The following CRACDL variants were observed in gnomAD, a reference collection of about 807,000 sequenced individuals.
The protein encoded by CRACDL is CRACD-like protein.
A neutral mutation model predicts 70.6 loss-of-function variants in CRACDL; 26 were observed. The observed-to-expected ratio is 0.37, with a 90% CI of 0.27 to 0.51. The LOEUF (loss-of-function observed/expected upper bound fraction) is 0.51, where lower values mean the gene tolerates loss of function less well. Among genes scored for constraint, CRACDL ranks in the 20% least tolerant of loss-of-function variants. The probability of loss-of-function intolerance (pLI) is 0.94; values close to 1 mark genes in which losing one functional copy is unlikely to be tolerated. For missense variants in CRACDL, 1,283 were observed against 1,376.9 expected (o/e 0.93, Z 1.08); for synonymous variants, 618 against 615.2 (o/e 1.00, Z -0.07).
intron 5 of CRACDL, among the ~76,000 whole-genome samples, chr2:98,827,861 G>A (rs2104486421): frequency 6.6e-6 from 1 of 152,314 alleles, no homozygotes; most frequent in South Asian, 2.1e-4. Context: ...CTGAGGGGAA[G>A]GTTCAGAGGT....
At chr2:98,805,633 G>T (rs1171454686) in intron 7 of CRACDL, among the ~76,000 whole-genome samples, 1 of 152,140 alleles carries the variant, frequency 6.6e-6, no homozygotes, top group Non-Finnish European at 1.5e-5. Flanking sequence ...AACTCAGCGA[G>T]TGCAGAGGAT....
In CRACDL at chr2:98,936,066, G is replaced by C. The variant is rs1709200378; in HGVS notation, c.-139C>G. ...CCCAGCCCAAAGCCGGGGCGACGCA[G>C]CAGGTGGCCGCGCGGCCTCCAGACA... is the stretch of plus-strand genomic sequence containing the variant. On this transcript the variant is annotated 5_prime_UTR_variant, in exon 1 of 10. Transcript: ENST00000397899. The C allele has an allele frequency of 6.6e-6, 1 of 151,922 alleles. No individual in the cohort carries two copies. The highest frequency in any genetic ancestry group is 1.5e-5 in the Non-Finnish European group (1 of 67,942). 9.4% of individuals were successfully genotyped at this position (151,922 alleles called of 1,614,324 possible).
At chr2:98,883,904 C>T (rs530061254) in intron 1 of CRACDL, among the ~76,000 whole-genome samples, 3 of 152,324 alleles carry the variant, frequency 2.0e-5, no homozygotes, top group Admixed American at 2.0e-4. Flanking sequence ...TTTTTGGCAT[C>T]TCTCAAAATG....
chr2:98,826,644 G>C (rs1011728518), intron 6 of CRACDL, among the ~76,000 whole-genome samples: 29 of 152,302 alleles, frequency 1.9e-4, no homozygotes, highest in African/African-American at 7.0e-4. Context: ...AGAAGCCTGG[G>C]GGGTAGGCAG....
At chr2:98,927,143 C>A (rs1335275948) in intron 1 of CRACDL, among the ~76,000 whole-genome samples, 1 of 152,242 alleles carries the variant, frequency 6.6e-6, no homozygotes, top group Non-Finnish European at 1.5e-5. Flanking sequence ...ATGGACGTAT[C>A]TGGTTTCCCC....
intron 7 of CRACDL, among the ~76,000 whole-genome samples, chr2:98,819,485 C>T (rs143697779): frequency 2.0e-5 from 3 of 152,286 alleles, no homozygotes; most frequent in East Asian, 1.9e-4. Flanking sequence ...ATGGTTTGAA[C>T]TTCCTCCAGA....
At chr2:98,897,274 T>C (rs1708151267) in intron 1 of CRACDL, 1 of 609,724 alleles carries the variant, frequency 1.6e-6, no homozygotes, top group Admixed American at 2.9e-5. Flanking sequence ...TCCAAGCTGT[T>C]GCATGTACCG....
chr2:98,810,924 C>G lies in CRACDL; in HGVS notation c.2416+10933G>C, dbSNP rs148509096. Among the ~76,000 whole-genome samples the G allele has an allele frequency of 2.9e-3, 439 of 150,996 alleles. 2 individuals carry two copies. Among genetic ancestry groups the G allele is most frequent in the African/African-American group, 0.01 (418 of 41,044 alleles). On this transcript the variant is annotated intron_variant, in intron 7 of 9. Transcript: ENST00000397899. ...AGTTAAATAAAACACAGAACACATA[C>G]AGTGTAACCCTTAAAAAGAAAGACG...
intron 1 of CRACDL, among the ~76,000 whole-genome samples, chr2:98,851,393 T>G (rs1219685202): frequency 1.3e-5 from 2 of 152,218 alleles, no homozygotes; most frequent in African/African-American, 2.4e-5. Context: ...ATCAATTCAT[T>G]TAACCTCAGA....
Position 98,823,189 on chromosome 2 carries a change from G to C in CRACDL, c.1084C>G (p.Pro362Ala). 1 of 1,486,202 alleles carries C rather than the reference G, an allele frequency of 6.7e-7. No individual in the cohort carries two copies. Among genetic ancestry groups the C allele is most frequent in the South Asian group, 1.3e-5 (1 of 76,796 alleles). 92.1% of individuals were successfully genotyped at this position (1,486,202 alleles called of 1,614,324 possible). ...VEPPSPPEGP[P>A]NPGPDGGKQD... is the part of the protein sequence containing the mutation. ...TTTCCGCCGTCGGGACCGGGATTCG[G>C]GGGGCCCTCCGGCGGGGACGGGGGC... Residue 362 changes from proline (P) to alanine (A), a missense_variant, in exon 7 of 10, where the codon CCG becomes GCG. This residue lies in a region of CRACDL where 921 missense variants were observed against 881.9 expected (regional missense o/e 1.04). Coordinates refer to ENST00000397899, the MANE Select transcript of CRACDL (RefSeq NM_207362.3). The surrounding 1 kb of genome is among the most constrained non-coding windows in gnomAD (Gnocchi z 4.0).
intron 1 of CRACDL, among the ~76,000 whole-genome samples, chr2:98,863,736 A>G (rs1235693610): frequency 6.6e-6 from 1 of 152,184 alleles, no homozygotes; most frequent in Non-Finnish European, 1.5e-5. Flanking sequence ...TGCATTTTCA[A>G]CTTAATGACA....
chr2:98,822,591 G>C lies in CRACDL; in HGVS notation c.1682C>G (p.Ala561Gly). 1 of 1,435,854 alleles carries C rather than the reference G, an allele frequency of 7.0e-7. No individual in the cohort carries two copies. Among genetic ancestry groups the C allele is most frequent in the Non-Finnish European group, 9.1e-7 (1 of 1,100,480 alleles). 88.9% of individuals were successfully genotyped at this position (1,435,854 alleles called of 1,614,324 possible). Residue 561 changes from alanine to glycine, a missense_variant, in exon 7 of 10, where the codon GCG becomes GGG. Ala to Gly is a moderately conservative substitution (Grantham distance 60, BLOSUM62 0). Transcript: ENST00000397899. The surrounding 1 kb of genome is among the most constrained non-coding windows in gnomAD (Gnocchi z 4.9). ...TCGCAGCTCGGCACCGCCCCTCTCC[G>C]CCTTCCGCTCTGGCGCCGCCCTCTC... The part of the protein sequence containing the change: ...GAERAAPERK[A>G]ERGGAELRGA...
At chr2:98,862,484 C>CTTTA (rs1706980095) in intron 1 of CRACDL, among the ~76,000 whole-genome samples, 1 of 152,116 alleles carries the variant, frequency 6.6e-6, no homozygotes, top group Admixed American at 6.5e-5. Context: ...TAGACAAAGA[C>CTTTA]TTTAAAACAG....
intron 1 of CRACDL, among the ~76,000 whole-genome samples, chr2:98,870,789 T>A (rs1707312843): frequency 6.6e-6 from 1 of 152,210 alleles, no homozygotes; most frequent in Non-Finnish European, 1.5e-5. Flanking sequence ...GCTCTGGGCA[T>A]GTGACCTGCC....
intron 5 of CRACDL, among the ~76,000 whole-genome samples, chr2:98,830,344 A>G (rs374992125): frequency 7.2e-5 from 11 of 152,320 alleles, no homozygotes; most frequent in Non-Finnish European, 1.6e-4. Flanking sequence ...CAATAATCTT[A>G]AAGTTTTCTG....
chr2:98,919,614 T>C (rs1708752021), intron 1 of CRACDL, among the ~76,000 whole-genome samples: 1 of 152,236 alleles, frequency 6.6e-6, no homozygotes. Context: ...GGGGGTTTGA[T>C]ATGAGCAAGG....
chr2:98,819,363 T>C (rs527662825), intron 7 of CRACDL, among the ~76,000 whole-genome samples: 1 of 152,350 alleles, frequency 6.6e-6, no homozygotes, highest in Non-Finnish European at 1.5e-5. Context: ...GGTCAGGGTT[T>C]CATGTGCACA....
chr2:98,866,830 T>G (rs531804238), intron 1 of CRACDL, among the ~76,000 whole-genome samples: 5 of 151,974 alleles, frequency 3.3e-5, no homozygotes, highest in Non-Finnish European at 7.4e-5. Context: ...CATTAATGCC[T>G]CAAGGACAGA....
rs139876800 is a variant in CRACDL at position 98,920,377 on chromosome 2, C to T, written c.-11+15561G>A. Among the ~76,000 whole-genome samples the T allele has an allele frequency of 1.3e-4, 20 of 152,266 alleles. No homozygotes were observed. In the East Asian group the frequency reaches 3.5e-3, roughly 26 times the overall value. On this transcript the variant is annotated intron_variant, in intron 1 of 9. Coordinates refer to ENST00000397899, the MANE Select transcript of CRACDL (RefSeq NM_207362.3). ...GCAGAGGACTACACTGTGCATACTT[C>T]GCATGTGTAGGCACTGTCTCTGCAG...
Sources: allele counts gnomAD v4.1 joint callset (sites outside exome capture counted in the v4.1 genomes callset), GRCh38; gene constraint gnomAD v4.1.1; regional missense constraint gnomAD v4.1.1; non-coding constraint Gnocchi (gnomAD v3.1); transcripts MANE v1.5; gene names NCBI Gene and HGNC (gene_info 2026-07-23, HGNC 2026-07-21).